Variants in CDH23 observed in about 807,000 individuals in gnomAD.
The protein encoded by CDH23 is cadherin related 23.
In CDH23, 189 loss-of-function variants were observed where a neutral mutation model predicts 317.1. The ratio of observed to expected loss-of-function variants is 0.60; its 90% CI spans 0.53 to 0.67. CDH23 has a LOEUF of 0.67. CDH23 is among the 30% of genes least tolerant of loss of function. The pLI is 0.00. For synonymous variants in CDH23, 1,839 were observed against 1,876.8 expected (o/e 0.98, Z 0.52); for missense variants, 4,401 against 4,592.4 (o/e 0.96, Z 1.20).
Position 71,685,241 on chromosome 10 carries a change from G to A in CDH23, c.1987-2406G>A, listed in dbSNP as rs149040260. Among the ~76,000 whole-genome samples the A allele has an allele frequency of 2.0e-4, 31 of 152,342 alleles. No homozygotes were observed. The Middle Eastern group carries it at 0.014, about 67-fold the overall frequency. ...GGGATTCTGTGTGTCCTCCCACACA[G>A]CTTGCAGGTGATGTGGATGCTTCTG... On this transcript the variant is annotated intron_variant, in intron 18 of 69. Transcript: ENST00000224721.
chr10:71,457,478 C>T (rs1850751554), intron 3 of CDH23, among the ~76,000 whole-genome samples: 1 of 143,464 alleles, frequency 7.0e-6, no homozygotes, highest in Non-Finnish European at 1.5e-5. Flanking sequence ...CTCTTACCGC[C>T]CTGCAATGCT....
intron 3 of CDH23, among the ~76,000 whole-genome samples, chr10:71,464,958 A>G (rs951503852): frequency 1.3e-5 from 2 of 152,188 alleles, no homozygotes; most frequent in Non-Finnish European, 2.9e-5. Context: ...CTATGTATGC[A>G]TGATCTCATT....
rs527496673 is a variant in CDH23 at position 71,755,427 on chromosome 10, A to G, written c.4845+13506A>G. Reference sequence around the variant, plus strand: ...GATGAGGGGGAGGCAGAGGATTCCTACGATGCAGGCACCCGTAGCCAGGGC... The same window carrying G: ...GATGAGGGGGAGGCAGAGGATTCCTGCGATGCAGGCACCCGTAGCCAGGGC... On this transcript the variant is annotated intron_variant, in intron 38 of 69. Coordinates refer to ENST00000224721, the MANE Select transcript of CDH23 (RefSeq NM_022124.6). 22 of 1,613,426 alleles carry G rather than the reference A, an allele frequency of 1.4e-5. No individual in the cohort carries two copies. The Admixed American group carries it at 3.2e-4, about 23-fold the overall frequency.
intron 32 of CDH23, 30 bp downstream of exon 32, chr10:71,732,405 T>A: frequency 6.4e-7 from 1 of 1,552,054 alleles, no homozygotes. Context: ...GAGCACCATT[T>A]CTTCCAATCT....
At chr10:71,767,511 T>C (rs1840579117) in intron 38 of CDH23, among the ~76,000 whole-genome samples, 1 of 152,176 alleles carries the variant, frequency 6.6e-6, no homozygotes, top group South Asian at 2.1e-4. Flanking sequence ...CCAAAGAGAA[T>C]GGGACCTGGT....
chr10:71,430,751 C>T (rs1286346163), intron 1 of CDH23, among the ~76,000 whole-genome samples: 1 of 151,950 alleles, frequency 6.6e-6, no homozygotes, highest in Non-Finnish European at 1.5e-5. Flanking sequence ...ACCTGGGAGG[C>T]GGAGGTTGCA....
At chr10:71,657,134 C>A (rs2132622810) in intron 14 of CDH23, among the ~76,000 whole-genome samples, 1 of 152,342 alleles carries the variant, frequency 6.6e-6, no homozygotes, top group African/African-American at 2.4e-5. Context: ...CTCCGCCTGA[C>A]TGACCAGGTG....
At chr10:71,504,222 G>A (rs148679740) in intron 3 of CDH23, among the ~76,000 whole-genome samples, 2 of 152,044 alleles carry the variant, frequency 1.3e-5, no homozygotes, top group East Asian at 1.9e-4. Flanking sequence ...TGCCCTTCCC[G>A]ACCCCTGGCA....
intron 6 of CDH23, among the ~76,000 whole-genome samples, chr10:71,550,538 C>A (rs377224055): frequency 1.9e-5 from 2 of 104,002 alleles, no homozygotes; most frequent in African/African-American, 3.9e-5. Flanking sequence ...TTACCCTGGG[C>A]AACAGAGTGA....
intron 6 of CDH23, 134 bp from the exon 7 acceptor site, chr10:71,566,608 C>A: frequency 1.3e-6 from 1 of 743,000 alleles, no homozygotes. Context: ...GGGGCCCCTC[C>A]TAGAATGAAA....
chr10:71,755,477 A>G, intron 38 of CDH23: 1 of 1,605,396 alleles, frequency 6.2e-7, no homozygotes, highest in Non-Finnish European at 8.5e-7. Context: ...CTGAAAGGGC[A>G]GAGAGGTAGC....
intron 9 of CDH23, among the ~76,000 whole-genome samples, chr10:71,585,440 T>C (rs1397087809): frequency 6.6e-6 from 1 of 152,208 alleles, no homozygotes; most frequent in East Asian, 1.9e-4. Flanking sequence ...CCACTAGCAG[T>C]TGAGAAGCAT....
At chr10:71,795,780 A>T in intron 48 of CDH23, 1 of 974,336 alleles carries the variant, frequency 1.0e-6, no homozygotes, top group Non-Finnish European at 1.2e-6. Context: ...TCCCTGCTGC[A>T]CCCTGAACTA....
At chr10:71,761,290 T>C (rs1471838024) in intron 38 of CDH23, among the ~76,000 whole-genome samples, 2 of 152,144 alleles carry the variant, frequency 1.3e-5, no homozygotes, top group Non-Finnish European at 2.9e-5. Flanking sequence ...CTGATGCCTA[T>C]ACCCACAGCA....
intron 3 of CDH23, among the ~76,000 whole-genome samples, chr10:71,501,488 C>T (rs1045731459): frequency 4.6e-5 from 7 of 152,114 alleles, no homozygotes; most frequent in Admixed American, 3.3e-4. Context: ...GCCTAGAGGC[C>T]GCCTGCCTCT....
At chr10:71,559,895 T>C (rs1857043688) in intron 6 of CDH23, among the ~76,000 whole-genome samples, 1 of 152,242 alleles carries the variant, frequency 6.6e-6, no homozygotes, top group African/African-American at 2.4e-5. Flanking sequence ...TGGGTACACA[T>C]GGGTTTATGC....
chr10:71,634,505 A>C (rs148345189), intron 11 of CDH23, among the ~76,000 whole-genome samples: 1 of 152,334 alleles, frequency 6.6e-6, no homozygotes, highest in Non-Finnish European at 1.5e-5. Context: ...CAGACCTTGA[A>C]GTTGGAAATA....
intron 12 of CDH23, among the ~76,000 whole-genome samples, chr10:71,644,191 T>C (rs1430392277): frequency 6.6e-6 from 1 of 152,218 alleles, no homozygotes; most frequent in Non-Finnish European, 1.5e-5. Flanking sequence ...CCACATCCCC[T>C]GGGGAGCCAC....
At chr10:71,489,816 C>A (rs181087462) in intron 3 of CDH23, among the ~76,000 whole-genome samples, 1 of 152,150 alleles carries the variant, frequency 6.6e-6, no homozygotes, top group Non-Finnish European at 1.5e-5. Flanking sequence ...ATACCCAGGC[C>A]GTGTGAATTT....
Sources: gnomAD v4.1 joint callset for allele counts (sites outside exome capture counted in the v4.1 genomes callset) on GRCh38, gnomAD v4.1.1 for gene constraint, MANE v1.5 for transcripts, NCBI Gene and HGNC (gene_info 2026-07-23, HGNC 2026-07-21) for gene names.